Variants in NCOR2 observed in about 807,000 individuals in gnomAD.
NCOR2 encodes nuclear receptor corepressor 2.
A neutral mutation model predicts 262.9 loss-of-function variants in NCOR2; 81 were observed. The ratio of observed to expected loss-of-function variants is 0.31; its 90% CI spans 0.26 to 0.37. The LOEUF (loss-of-function observed/expected upper bound fraction) is 0.37. Ranked by LOEUF, NCOR2 falls within the 10% of genes least tolerant of loss-of-function variation. NCOR2 has a pLI of 1.00. For missense variants in NCOR2, 3,385 were observed against 3,621.4 expected (o/e 0.93, Z 1.68); for synonymous variants, 1,659 against 1,559.3 (o/e 1.06, Z -1.51).
At chr12:124,428,551 A>G (rs1051555358) in intron 10 of NCOR2, among the ~76,000 whole-genome samples, 2 of 151,652 alleles carry the variant, frequency 1.3e-5, no homozygotes, top group African/African-American at 4.9e-5. Context: ...GGCCCCTTCC[A>G]TCTGTCTAAT....
rs548490008 is a variant in NCOR2 at position 124,504,703 on chromosome 12, C to A, written c.-117-9335G>T. Among the ~76,000 whole-genome samples the A allele has an allele frequency of 6.6e-6, 1 of 152,240 alleles. No homozygotes were observed. Among genetic ancestry groups the A allele is most frequent in the Non-Finnish European group, 1.5e-5 (1 of 68,048 alleles). ...CCATCAATGGACTACGATTCAGCCA[C>A]GCAAAGGTAAGCGCTGACTCAGCCA... On this transcript the variant is annotated intron_variant, in intron 1 of 46. Coordinates refer to the NCOR2 transcript ENST00000404621. This position sits in a 1 kb window ranked among gnomAD's most constrained non-coding sequence, Gnocchi z 4.5.
In NCOR2 at chr12:124,495,238, G is replaced by A. The variant is rs775831112; in HGVS notation, c.14C>T (p.Thr5Ile). The stretch of plus-strand genomic sequence containing the variant: ...CCTCCACGTCTGTGCCACAGGCTGT[G>A]TGGATCCCGACATGGTGGTGGGGGT... The change falls in exon 1 of 47, where the codon ACA (threonine) becomes ATA (isoleucine). Residue 5 changes from threonine to isoleucine, a missense_variant. Transcript: ENST00000405201. This position sits in a 1 kb window ranked among gnomAD's most constrained non-coding sequence, Gnocchi z 4.4. 6.2e-6 allele frequency: 10 copies of A among 1,613,254 alleles called. 1 individual carries two copies. In the South Asian group the frequency reaches 8.8e-5, roughly 14 times the overall value.
In NCOR2 at chr12:124,398,194, TGC is replaced by T. The variant is rs772822720; in HGVS notation, c.1814-15_1814-14del. 5 of 1,614,178 alleles carry T rather than the reference TGC, an allele frequency of 3.1e-6. No individual in the cohort carries two copies. In the African/African-American group the frequency reaches 6.7e-5, roughly 22 times the overall value. On this transcript the variant is annotated splice_polypyrimidine_tract_variant and intron_variant, in intron 15 of 46. Transcript: ENST00000405201. Reference sequence around the variant, plus strand: ...AGCTCCATGGAGGCTGAAAAGAAGATGCCAGGTTATTGGCAGGAGCCGGGAGA... The same window carrying T: ...AGCTCCATGGAGGCTGAAAAGAAGATCAGGTTATTGGCAGGAGCCGGGAGA...
intron 17 of NCOR2, among the ~76,000 whole-genome samples, chr12:124,383,999 C>A (rs1373289640): frequency 2.1e-5 from 3 of 146,124 alleles, no homozygotes; most frequent in African/African-American, 7.7e-5. Context: ...CGTCCATGGT[C>A]GTGGGGTGAG....
rs536532957 is a variant in NCOR2 at position 124,426,853 on chromosome 12, C to T, written c.1150-53G>A. 577 of 1,488,704 alleles carry T rather than the reference C, an allele frequency of 3.9e-4. 1 individual carries two copies. Among genetic ancestry groups the T allele is most frequent in the Non-Finnish European group, 4.7e-4 (521 of 1,108,246 alleles). The allele number at this position is 1,488,704 out of a possible 1,614,324, so 92.2% of individuals were successfully genotyped here. A position where few individuals can be genotyped will look rare whatever the true frequency, so the allele number is the denominator to read the frequency against. ...AGGCCCAGGGACGAGGTGCTCCGGC[C>T]GGCGCAGGGGACCCAGGGAAGACAC... On this transcript the variant is annotated intron_variant, in intron 10 of 46. Transcript: ENST00000405201.
chr12:124,433,821 TTCCCTCCC>T (rs1157968202), intron 8 of NCOR2, among the ~76,000 whole-genome samples: 1 of 122,446 alleles, frequency 8.2e-6, no homozygotes, highest in Admixed American at 8.7e-5. Context: ...CCTTCCTCCC[TTCCCTCCC>T]TCCCTCTCTC....
intron 9 of NCOR2, 81 bp from the exon 12 acceptor site, chr12:124,429,787 C>T: frequency 7.7e-7 from 1 of 1,294,630 alleles, no homozygotes. Context: ...CAGCCCTGAG[C>T]CCACGCCCTC....
intron 7 of NCOR2, 106 bp from the exon 10 acceptor site, chr12:124,438,102 G>C: frequency 1.6e-5 from 17 of 1,068,366 alleles, no homozygotes; most frequent in Non-Finnish European, 2.3e-5. Context: ...CCCCGTTATT[G>C]GTTCTCAGGG....
intron 13 of NCOR2, among the ~76,000 whole-genome samples, chr12:124,409,606 C>G (rs565932437): frequency 6.6e-6 from 1 of 152,216 alleles, no homozygotes; most frequent in Non-Finnish European, 1.5e-5. Flanking sequence ...CTCCAGGGAC[C>G]TTGTTTGCCC....
chr12:124,367,286 A>AG (rs1298869857), intron 20 of NCOR2, among the ~76,000 whole-genome samples: 1 of 114,466 alleles, frequency 8.7e-6, no homozygotes, highest in Non-Finnish European at 2.0e-5. Flanking sequence ...GCACACACAG[A>AG]GGCCCAAACC....
chr12:124,334,605 G>C lies in NCOR2; in HGVS notation c.6424C>G (p.Gln2142Glu), dbSNP rs1031256895. Residue 2142 changes from glutamine (Q) to glutamate (E), a missense_variant, in exon 41 of 47, where the codon CAG (glutamine) becomes GAG (glutamate). Gln to Glu is a conservative substitution (Grantham distance 29, BLOSUM62 2). Around this residue, in one of 5 missense-constraint regions of NCOR2, gnomAD observed 1,017 missense variants for 967.2 expected, o/e 1.05. Coordinates refer to ENST00000405201, the Ensembl canonical transcript of NCOR2. ...TGTGGGTGGTGCCGGGTGTAGTCCT[G>C]TGTGATGACCTCCTGCAGGCAAGTG... is the stretch of plus-strand genomic sequence containing the variant. 7.2e-7 allele frequency: 1 copy of C among 1,398,228 alleles called. No homozygotes were observed. The allele number at this position is 1,398,228 out of a possible 1,614,324, so 86.6% of individuals were successfully genotyped here. A position where few individuals can be genotyped will look rare whatever the true frequency, so the allele number is the denominator to read the frequency against.
intron 1 of NCOR2, among the ~76,000 whole-genome samples, chr12:124,507,283 T>C (rs1715559828): frequency 6.6e-6 from 1 of 152,176 alleles, no homozygotes; most frequent in Admixed American, 6.5e-5. Context: ...TGCTAAACAA[T>C]ATGGCTATTC....
intron 6 of NCOR2, among the ~76,000 whole-genome samples, chr12:124,455,346 G>A (rs2045786518): frequency 6.6e-6 from 1 of 152,226 alleles, no homozygotes; most frequent in Non-Finnish European, 1.5e-5. Context: ...ACGACCCTAG[G>A]CCAGAGCTCA....
rs1444179212 is a variant in NCOR2 at position 124,549,125 on chromosome 12, C to T, written c.-164-13514G>A. Reference sequence around the variant, plus strand: ...TCAGGGTGGTTGGGATGCAGTGTGGCGCTGAGCCAGGGAGCTAACCTCTCT... The same window carrying T: ...TCAGGGTGGTTGGGATGCAGTGTGGTGCTGAGCCAGGGAGCTAACCTCTCT... On this transcript the variant is annotated intron_variant, in intron 1 of 32. Transcript: ENST00000458234. The surrounding 1 kb of genome is among the most constrained non-coding windows in gnomAD (Gnocchi z 4.4). 6.6e-6 allele frequency among the ~76,000 whole-genome samples: 1 copy of T among 152,080 alleles called. No homozygotes were observed. Among genetic ancestry groups the T allele is most frequent in the Non-Finnish European group, 1.5e-5 (1 of 68,014 alleles).
intron 4 of NCOR2, among the ~76,000 whole-genome samples, chr12:124,470,351 A>C (rs192568831): frequency 6.6e-6 from 1 of 152,318 alleles, no homozygotes; most frequent in East Asian, 1.9e-4. Flanking sequence ...TTCTGCTCCT[A>C]GGTATACACC....
chr12:124,551,729 C>A (rs567532285), intron 1 of NCOR2, among the ~76,000 whole-genome samples: 1 of 152,332 alleles, frequency 6.6e-6, no homozygotes, highest in East Asian at 1.9e-4. Flanking sequence ...TCGAGTTTCA[C>A]TTAATTGCAG....
intron 7 of NCOR2, among the ~76,000 whole-genome samples, chr12:124,449,570 T>G (rs1338303737): frequency 2.6e-5 from 4 of 152,148 alleles, no homozygotes; most frequent in Non-Finnish European, 5.9e-5. Context: ...CACCAGCAGC[T>G]CCCTCGCCCA....
At chr12:124,558,266 A>ACCCCCCCCCCCC (rs11428567) in intron 1 of NCOR2, among the ~76,000 whole-genome samples, 2 of 112,996 alleles carry the variant, frequency 1.8e-5, no homozygotes, top group South Asian at 3.0e-4. Context: ...TCTCCCACCC[A>ACCCCCCCCCCCC]CCCCCCCTCC....
chr12:124,345,089 G>A, intron 31 of NCOR2, 138 bp from the exon 34 acceptor site: 1 of 806,594 alleles, frequency 1.2e-6, no homozygotes, highest in Non-Finnish European at 1.9e-6. Context: ...CAGGGAGACA[G>A]AGGGCTTTGC....
Sources: allele counts gnomAD v4.1 joint callset (sites outside exome capture counted in the v4.1 genomes callset), GRCh38; gene constraint gnomAD v4.1.1; regional missense constraint gnomAD v4.1.1; non-coding constraint Gnocchi (gnomAD v3.1); transcripts MANE v1.5; gene names NCBI Gene and HGNC (gene_info 2026-07-23, HGNC 2026-07-21).